The following SWAP70 variants were observed in gnomAD, a reference collection of about 807,000 sequenced individuals.
SWAP70 encodes the protein switch-associated protein 70.
A neutral mutation model predicts 80.2 loss-of-function variants in SWAP70; 34 were observed. The observed-to-expected ratio is 0.42, with a 90% confidence interval of 0.32 to 0.56. The LOEUF is 0.56. Among genes scored for constraint, SWAP70 ranks in the 20% least tolerant of loss-of-function variants. SWAP70 has a pLI of 0.09. For missense variants in SWAP70, 578 were observed against 690.7 expected (o/e 0.84, Z 1.83); for synonymous variants, 239 against 238.5 (o/e 1.00, Z -0.02).
chr11:9,687,840 G>T (rs911942820), intron 1 of SWAP70, among the ~76,000 whole-genome samples: 2 of 152,188 alleles, frequency 1.3e-5, no homozygotes, highest in African/African-American at 2.4e-5. Context: ...AGATATTTGA[G>T]ATACCATTAG....
At position 9,675,346 on chromosome 11, in the gene SWAP70, CGAGAGAGAGAGAGAGAGAGAGAGAGA is replaced by C. The variant is rs1184480305; in HGVS notation, c.99+11118_99+11143del. On this transcript the variant is annotated intron_variant, in intron 1 of 11. Transcript: ENST00000318950. ...GAGAGAGAGAGAGAGAGAGAGGGAG[CGAGAGAGAGAGAGAGAGAGAGAGAGA>C]GAGAGAGAGAGAGAGAGAGAGAGAG... 6.7e-3 allele frequency among the ~76,000 whole-genome samples: 56 copies of C among 8,392 alleles called. 1 individual carries two copies. The highest frequency in any genetic ancestry group is 0.011 in the African/African-American group (49 of 4,450). The allele number at this position is 8,392 out of a possible 152,430, so 5.5% of individuals were successfully genotyped here.
In SWAP70 at chr11:9,723,641, TG is replaced by T. The variant is rs145998026; in HGVS notation, c.415-1015del. On this transcript the variant is annotated intron_variant, in intron 3 of 11. Coordinates refer to ENST00000318950, the MANE Select transcript of SWAP70 (RefSeq NM_015055.4). ...AAAGTAGAGAGGATTCATTCATTTT[TG>T]GACATATGTTGAGTTTGAGAGCACT... Among the ~76,000 whole-genome samples the T allele has an allele frequency of 8.1e-3, 1,230 of 152,308 alleles. 10 individuals carry two copies. The highest frequency in any genetic ancestry group is 0.014 in the Non-Finnish European group (951 of 68,022).
intron 1 of SWAP70, among the ~76,000 whole-genome samples, chr11:9,670,601 A>G (rs73408298): frequency 0.12 from 18,045 of 151,960 alleles, 2,148 homozygotes; most frequent in African/African-American, 0.3. Flanking sequence ...GGGAATGGCT[A>G]TGGTAGATGA....
intron 9 of SWAP70, among the ~76,000 whole-genome samples, chr11:9,745,970 C>T (rs746245399): frequency 1.3e-5 from 2 of 152,336 alleles, no homozygotes; most frequent in Admixed American, 6.5e-5. Context: ...AACTACAGCC[C>T]AAGCCAGGCC....
chr11:9,749,224 T>C, intron 11 of SWAP70, 41 bp downstream of exon 11: 1 of 1,129,898 alleles, frequency 8.9e-7, no homozygotes, highest in Non-Finnish European at 1.2e-6. Context: ...TATTTTTATT[T>C]TTCATTTTTA....
At position 9,750,724 on chromosome 11, in the gene SWAP70, T is replaced by G. The variant is rs1450421849; in HGVS notation, c.*754T>G. 6.6e-6 allele frequency: 1 copy of G among 152,294 alleles called. No homozygotes were observed. The highest frequency in any genetic ancestry group is 1.5e-5 in the Non-Finnish European group (1 of 68,100). 9.4% of individuals were successfully genotyped at this position (152,294 alleles called of 1,614,324 possible). ...CTTTTCCGAGTATGTGCTGTTAAACTAGATTGGCCGGTTCGCTTTCCATTT... is the reference window on the plus strand; with the variant it reads ...CTTTTCCGAGTATGTGCTGTTAAACGAGATTGGCCGGTTCGCTTTCCATTT... On this transcript the variant is annotated 3_prime_UTR_variant, in exon 12 of 12. Transcript: ENST00000318950.
At chr11:9,740,492 G>T in intron 9 of SWAP70, 145 bp downstream of exon 9, 1 of 807,782 alleles carries the variant, frequency 1.2e-6, no homozygotes, top group South Asian at 1.4e-5. Flanking sequence ...AGATTAGAAA[G>T]ACTGTGGAGA....
intron 2 of SWAP70, among the ~76,000 whole-genome samples, chr11:9,695,413 A>G (rs1850743288): frequency 6.6e-6 from 1 of 152,184 alleles, no homozygotes; most frequent in Non-Finnish European, 1.5e-5. Flanking sequence ...AATGTGGTAC[A>G]TATACGCCAT....
At chr11:9,714,554 G>A (rs140793382) in intron 3 of SWAP70, among the ~76,000 whole-genome samples, 99 of 152,282 alleles carry the variant, frequency 6.5e-4, no homozygotes, top group African/African-American at 2.2e-3. Context: ...CACACTTTCA[G>A]GGTATTAGAT....
In SWAP70 at chr11:9,748,021, G is replaced by C. The variant is rs763447096; in HGVS notation, c.1519G>C (p.Glu507Gln). The change falls in exon 10 of 12, where the codon GAG becomes CAG. Residue 507 changes from glutamate (E) to glutamine (Q), a missense_variant. Physicochemically the swap from Glu to Gln is conservative, Grantham distance 29. Coordinates refer to ENST00000318950, the MANE Select transcript of SWAP70 (RefSeq NM_015055.4). Reference sequence around the variant, plus strand: ...GGCCATGGAGCAGCTGGAGCAGCTTGAGTTAGAACGGAAGCAAGCACTTGA... The same window carrying C: ...GGCCATGGAGCAGCTGGAGCAGCTTCAGTTAGAACGGAAGCAAGCACTTGA... ...QEAMEQLEQL[E>Q]LERKQALEQY... The C allele has an allele frequency of 1.9e-6, 3 of 1,614,014 alleles. No individual in the cohort carries two copies. Among genetic ancestry groups the C allele is most frequent in the Admixed American group, 1.7e-5 (1 of 60,010 alleles).
intron 1 of SWAP70, among the ~76,000 whole-genome samples, chr11:9,675,177 C>T (rs920290885): frequency 1.3e-5 from 2 of 151,768 alleles, no homozygotes; most frequent in African/African-American, 4.8e-5. Context: ...AGTCCAAGTT[C>T]CTTCTGTAGC....
intron 1 of SWAP70, among the ~76,000 whole-genome samples, chr11:9,675,403 GAGAGAGAGAGA>G (rs2134425747): frequency 1.5e-5 from 2 of 136,692 alleles, no homozygotes; most frequent in South Asian, 5.2e-4. Flanking sequence ...GAGAGAGAGA[GAGAGAGAGAGA>G]GAGAGAGGAG....
chr11:9,681,632 G>A (rs374225240), intron 1 of SWAP70, among the ~76,000 whole-genome samples: 4 of 152,246 alleles, frequency 2.6e-5, no homozygotes, highest in African/African-American at 9.6e-5. Flanking sequence ...TGGTAGCTAT[G>A]GAAATTAAAA....
intron 3 of SWAP70, among the ~76,000 whole-genome samples, chr11:9,715,450 T>C (rs1251657419): frequency 1.3e-5 from 2 of 152,204 alleles, no homozygotes; most frequent in Admixed American, 1.3e-4. Context: ...GTTGCACTTA[T>C]ACCATGGAAC....
Position 9,664,122 on chromosome 11 carries a change from CG to C in SWAP70, c.-57del, listed in dbSNP as rs1850277246. 8 of 1,495,052 alleles carry C rather than the reference CG, an allele frequency of 5.4e-6. No individual in the cohort carries two copies. Among genetic ancestry groups the C allele is most frequent in the African/African-American group, 1.4e-5 (1 of 69,240 alleles). The allele number at this position is 1,495,052 out of a possible 1,614,324, so 92.6% of individuals were successfully genotyped here. On this transcript the variant is annotated 5_prime_UTR_variant, in exon 1 of 12. Coordinates refer to ENST00000318950, the MANE Select transcript of SWAP70 (RefSeq NM_015055.4). ...GTGGCTGCGGAGGTTGAGGGGCGTC[CG>C]AGGCGCGGAGGGGCTGGCTGGGCAG...
chr11:9,713,481 G>C lies in SWAP70; in HGVS notation c.256G>C (p.Asp86His). ...TCCTTTTTAGGTCCAAGACAACTTT[G>C]ACAAGATTGAATTCAATAGGATGTG... ...FILEKVQDNF[D>H]KIEFNRMCWT... Residue 86 changes from aspartate to histidine, a missense_variant, in exon 3 of 12, where the codon GAC becomes CAC. Physicochemically the swap from Asp to His is moderately conservative, Grantham distance 81. Transcript: ENST00000318950. 6.2e-7 allele frequency: 1 copy of C among 1,611,512 alleles called. No homozygotes were observed. The highest frequency in any genetic ancestry group is 8.5e-7 in the Non-Finnish European group (1 of 1,179,108).
At chr11:9,679,581 T>G (rs1040574572) in intron 1 of SWAP70, among the ~76,000 whole-genome samples, 6 of 152,224 alleles carry the variant, frequency 3.9e-5, no homozygotes, top group African/African-American at 1.4e-4. Flanking sequence ...AGACAATTAG[T>G]AGATCAGACT....
At chr11:9,676,841 G>A (rs920048883) in intron 1 of SWAP70, among the ~76,000 whole-genome samples, 3 of 151,914 alleles carry the variant, frequency 2.0e-5, no homozygotes, top group Non-Finnish European at 2.9e-5. Flanking sequence ...TTTTAGCAGA[G>A]ACGGGGTGTC....
chr11:9,720,589 G>A, intron 3 of SWAP70: 2 of 596,032 alleles, frequency 3.4e-6, no homozygotes, highest in East Asian at 1.4e-4. Context: ...ACACACATGT[G>A]GCTATACACA....
Sources: allele counts gnomAD v4.1 joint callset (sites outside exome capture counted in the v4.1 genomes callset), GRCh38; gene constraint gnomAD v4.1.1; transcripts MANE v1.5; gene names NCBI Gene and HGNC (gene_info 2026-07-23, HGNC 2026-07-21).